The following PTPRN variants were observed in gnomAD, a reference collection of about 807,000 sequenced individuals.
The protein encoded by PTPRN is receptor-type tyrosine-protein phosphatase-like N.
A neutral mutation model predicts 108.5 loss-of-function variants in PTPRN; 70 were observed. The ratio of observed to expected loss-of-function variants is 0.65; its 90% CI spans 0.53 to 0.79. PTPRN has a LOEUF of 0.79. Among genes scored for constraint, PTPRN ranks in the 30% least tolerant of loss-of-function variants. The probability of loss-of-function intolerance (pLI) is 0.00; values close to 1 mark genes in which losing one functional copy is unlikely to be tolerated. For missense variants in PTPRN, 1,136 were observed against 1,295.5 expected, an observed-to-expected ratio of 0.88 and a Z score of 1.89; for synonymous variants, 496 against 524.6, an observed-to-expected ratio of 0.95 and a Z score of 0.75.
chr2:219,294,733 A>G (rs1190857491), intron 19 of PTPRN, among the ~76,000 whole-genome samples: 1 of 152,016 alleles, frequency 6.6e-6, no homozygotes, highest in Non-Finnish European at 1.5e-5. Context: ...CGTGAGAGGG[A>G]GGGAGCAGAG....
Position 219,296,518 on chromosome 2 carries a change from T to G in PTPRN, c.2311-2A>C. ...TGGCATCCGAGGGTCATGCTCAATC[T>G]GGAGGCAGGGAAGATACACCATGAG... On this transcript the variant is annotated splice_acceptor_variant, in intron 16 of 22. Transcript: ENST00000295718. LOFTEE classifies it high-confidence loss of function. The surrounding 1 kb of genome is among the most constrained non-coding windows in gnomAD (Gnocchi z 6.0). 1 of 1,613,892 alleles carries G rather than the reference T, an allele frequency of 6.2e-7. No individual in the cohort carries two copies. Among genetic ancestry groups the G allele is most frequent in the Non-Finnish European group, 8.5e-7 (1 of 1,179,972 alleles).
chr2:219,308,973 C>T, intron 1 of PTPRN: 2 of 1,501,332 alleles, frequency 1.3e-6, no homozygotes, highest in Non-Finnish European at 1.8e-6. Flanking sequence ...GTCCTTCTCC[C>T]GAACCTGCAA....
chr2:219,295,765 G>A (rs1274722252), intron 18 of PTPRN: 1 of 160,488 alleles, frequency 6.2e-6, no homozygotes, highest in Non-Finnish European at 1.4e-5. Flanking sequence ...GTAACGGGTG[G>A]TATGTCTTTC....
chr2:219,308,762 C>CCT (rs145365741), intron 1 of PTPRN: 7 of 1,140,242 alleles, frequency 6.1e-6, no homozygotes, highest in South Asian at 4.5e-5. Context: ...GAAACCCTGG[C>CCT]CTCTCTCTCT....
At chr2:219,295,236 C>T in intron 18 of PTPRN, 95 bp from the exon 19 acceptor site, 1 of 1,398,204 alleles carries the variant, frequency 7.2e-7, no homozygotes, top group Non-Finnish European at 9.8e-7. Context: ...TCTCCAACCA[C>T]CGCCCGGCCT....
chr2:219,293,984 C>A, intron 19 of PTPRN: 2 of 450,662 alleles, frequency 4.4e-6, no homozygotes, highest in South Asian at 1.6e-5. Flanking sequence ...CCCACCTGCT[C>A]CACTGAGCCC....
In PTPRN at chr2:219,297,583, C is replaced by T. The variant is rs1158827080; in HGVS notation, c.1888-150G>A. ...GTATGGTCTTCTGCCTGGCCCTGAT[C>T]CTTTCCAGGGCTGTTTTGCTTGGGT... On this transcript the variant is annotated intron_variant, in intron 13 of 22. Coordinates refer to ENST00000295718, the MANE Select transcript of PTPRN (RefSeq NM_002846.4). This position sits in a 1 kb window ranked among gnomAD's most constrained non-coding sequence, Gnocchi z 6.0. 3 of 835,888 alleles carry T rather than the reference C, an allele frequency of 3.6e-6. No homozygotes were observed. The East Asian group carries it at 8.0e-5, about 22-fold the overall frequency. The allele number at this position is 835,888 out of a possible 1,614,324, so 51.8% of individuals were successfully genotyped here.
At chr2:219,305,496 C>A (rs1249973681) in intron 3 of PTPRN, among the ~76,000 whole-genome samples, 1 of 152,112 alleles carries the variant, frequency 6.6e-6, no homozygotes, top group Non-Finnish European at 1.5e-5. Flanking sequence ...CTGCCCCAGC[C>A]TCCTAAAGTA....
chr2:219,301,652 A>T lies in PTPRN; in HGVS notation c.1062T>A (p.Pro354=). The change falls in exon 7 of 23, where the codon CCT becomes CCA. Residue 354 remains proline (P), a synonymous_variant. Transcript: ENST00000295718. The stretch of plus-strand genomic sequence containing the variant: ...GGGTCAGGAGTGTGGAGAGCTGCTC[A>T]GGGGTCAGCTGACGCAGCTCTACCC... The part of the protein sequence containing the change: ...GYGVELRQLT[P]EQLSTLLTLL... 1 of 1,613,694 alleles carries T rather than the reference A, an allele frequency of 6.2e-7. No homozygotes were observed. Among genetic ancestry groups the T allele is most frequent in the Non-Finnish European group, 8.5e-7 (1 of 1,179,598 alleles).
In PTPRN at chr2:219,302,269, G is replaced by C. The variant is rs1952369416; in HGVS notation, c.862C>G (p.Pro288Ala). The C allele has an allele frequency of 6.2e-7, 1 of 1,614,198 alleles. No individual in the cohort carries two copies. The highest frequency in any genetic ancestry group is 8.5e-7 in the Non-Finnish European group (1 of 1,180,024). ...AGCCTTGGCACCCTGGCCCTGCTGGGTGCTGGCAACTCCTGGGCCAGATAG... is the reference window on the plus strand; with the variant it reads ...AGCCTTGGCACCCTGGCCCTGCTGGCTGCTGGCAACTCCTGGGCCAGATAG... ...LLYLAQELPA[P>A]SRARVPRLPE... Residue 288 changes from proline (P) to alanine (A), a missense_variant, in exon 6 of 23, where the codon CCC becomes GCC. Pro to Ala is a conservative substitution (Grantham distance 27). Transcript: ENST00000295718.
At chr2:219,307,886 G>C in intron 1 of PTPRN, 44 bp from the exon 2 acceptor site, 2 of 1,588,982 alleles carry the variant, frequency 1.3e-6, no homozygotes, top group Non-Finnish European at 1.7e-6. Flanking sequence ...CCCACTCACA[G>C]AGAATGGGCA....
chr2:219,308,111 GGAGA>G (rs1297689724), intron 1 of PTPRN: 2 of 464,768 alleles, frequency 4.3e-6, no homozygotes, highest in Non-Finnish European at 7.7e-6. Flanking sequence ...CCAGGTGCAG[GGAGA>G]GAGATTCATA....
In PTPRN at chr2:219,294,700, G is replaced by A. The variant is rs916810635; in HGVS notation, c.2675+275C>T. ...GGGCCCTCTGGAGGAAGCAGGTGGA[G>A]GAGAAGGAGCCAGTCCCGGGAGCGT... On this transcript the variant is annotated intron_variant, in intron 19 of 22. Transcript: ENST00000295718. Among the ~76,000 whole-genome samples the A allele has an allele frequency of 2.6e-5, 4 of 152,132 alleles. No homozygotes were observed. In the South Asian group the frequency reaches 6.2e-4, roughly 24 times the overall value.
intron 19 of PTPRN, 60 bp downstream of exon 19, chr2:219,294,915 G>T: frequency 2.9e-6 from 4 of 1,375,046 alleles, no homozygotes; most frequent in Non-Finnish European, 3.8e-6. Flanking sequence ...CGAGCGGCGG[G>T]CGGACCCCGG....
In PTPRN at chr2:219,309,378, C is replaced by T; in HGVS notation, c.-46G>A. 9.3e-7 allele frequency: 1 copy of T among 1,075,906 alleles called. No homozygotes were observed. Among genetic ancestry groups the T allele is most frequent in the Non-Finnish European group, 1.3e-6 (1 of 792,576 alleles). The allele number at this position is 1,075,906 out of a possible 1,614,324, so 66.6% of individuals were successfully genotyped here. A position where few individuals can be genotyped will look rare whatever the true frequency, so the allele number is the denominator to read the frequency against. On this transcript the variant is annotated 5_prime_UTR_variant, in exon 1 of 23. Coordinates refer to ENST00000295718, the MANE Select transcript of PTPRN (RefSeq NM_002846.4). ...CGCTCCCGGGCCGGAGCCGCAGCGA[C>T]GCTGGCGGGAGCCTGCCAGAGGGGC...
At chr2:219,293,562 A>G (rs1207364318) in intron 19 of PTPRN, among the ~76,000 whole-genome samples, 5 of 152,336 alleles carry the variant, frequency 3.3e-5, no homozygotes, top group African/African-American at 9.6e-5. Context: ...GCCTAAAGCA[A>G]TCTTTTAGCT....
chr2:219,294,374 G>C (rs769250179), intron 19 of PTPRN, among the ~76,000 whole-genome samples: 29 of 151,856 alleles, frequency 1.9e-4, no homozygotes, highest in Admixed American at 7.2e-4. Flanking sequence ...CGCGGAGAGG[G>C]AGAAATGGAG....
Position 219,296,044 on chromosome 2 carries a change from G to T in PTPRN, c.2508+182C>A. On this transcript the variant is annotated intron_variant, in intron 18 of 22. Transcript: ENST00000295718. The surrounding 1 kb of genome is among the most constrained non-coding windows in gnomAD (Gnocchi z 6.0). The stretch of plus-strand genomic sequence containing the variant: ...ACAGGACACACACATGTATATATGT[G>T]AATATATGGGTATGCATATATGTGT... The T allele has an allele frequency of 1.3e-6, 1 of 782,450 alleles. No individual in the cohort carries two copies. The highest frequency in any genetic ancestry group is 2.0e-6 in the Non-Finnish European group (1 of 493,956). The allele number at this position is 782,450 out of a possible 1,614,324, so 48.5% of individuals were successfully genotyped here. A position where few individuals can be genotyped will look rare whatever the true frequency, so the allele number is the denominator to read the frequency against.
At position 219,297,308 on chromosome 2, in the gene PTPRN, G is replaced by T. The variant is rs1456087236; in HGVS notation, c.2013C>A (p.Ser671=). The part of the protein sequence containing the change: ...FSDAAQASPS[S]HSSTPSWCEE... Reference sequence around the variant, plus strand: ...CGCACCAGGACGGGGTGCTGCTGTGGGAGCTGGGGCTGGCCTGGGCTGCGT... The same window carrying T: ...CGCACCAGGACGGGGTGCTGCTGTGTGAGCTGGGGCTGGCCTGGGCTGCGT... Residue 671 remains serine, a synonymous_variant, in exon 14 of 23, where the codon TCC becomes TCA. Coordinates refer to ENST00000295718, the MANE Select transcript of PTPRN (RefSeq NM_002846.4). The surrounding 1 kb of genome is among the most constrained non-coding windows in gnomAD (Gnocchi z 6.0). 1.9e-6 allele frequency: 3 copies of T among 1,613,998 alleles called. No individual in the cohort carries two copies. Among genetic ancestry groups the T allele is most frequent in the Non-Finnish European group, 2.5e-6 (3 of 1,180,054 alleles).
Sources: allele counts gnomAD v4.1 joint callset (sites outside exome capture counted in the v4.1 genomes callset), GRCh38; gene constraint gnomAD v4.1.1; non-coding constraint Gnocchi (gnomAD v3.1); transcripts MANE v1.5; gene names NCBI Gene and HGNC (gene_info 2026-07-23, HGNC 2026-07-21).